The following CCDC144A variants were observed in gnomAD, a reference collection of about 807,000 sequenced individuals.
The protein encoded by CCDC144A is coiled-coil domain containing 144A.
A neutral mutation model predicts 143.8 loss-of-function variants in CCDC144A; 41 were observed. The ratio of observed to expected loss-of-function variants is 0.29; its 90% CI spans 0.22 to 0.37. The LOEUF (loss-of-function observed/expected upper bound fraction) is 0.37, where lower values mean the gene tolerates loss of function less well. CCDC144A is among the 10% of genes least tolerant of loss of function. CCDC144A has a pLI of 1.00. For synonymous variants in CCDC144A, 242 were observed against 517.9 expected (o/e 0.47, Z 7.23); for missense variants, 637 against 1,488.8 (o/e 0.43, Z 9.41).
At chr17:16,750,158 C>T (rs1466885945) in intron 12 of CCDC144A, among the ~76,000 whole-genome samples, 2 of 152,004 alleles carry the variant, frequency 1.3e-5, no homozygotes, top group African/African-American at 4.8e-5. Flanking sequence ...TTGCTTTGTA[C>T]TCTCGATTGT....
rs1388539411 is a variant in CCDC144A, at chr17:16,717,217, C to G, written c.1716-2981C>G. 9.9e-5 allele frequency among the ~76,000 whole-genome samples: 15 copies of G among 151,082 alleles called. No individual in the cohort carries two copies. The South Asian group carries it at 1.7e-3, about 17-fold the overall frequency. The stretch of plus-strand genomic sequence containing the variant: ...GCAACCTCCAGCTCCTGGGTTCAAG[C>G]GATTCTTCTGCCTCAGCCTCCCGAA... On this transcript the variant is annotated intron_variant, in intron 6 of 16. Transcript: ENST00000399273.
intron 2 of CCDC144A, among the ~76,000 whole-genome samples, chr17:16,702,518 T>TCCCTGGTCTCTTCC (rs1457213995): frequency 1.3e-5 from 2 of 152,170 alleles, no homozygotes; most frequent in African/African-American, 4.8e-5. Flanking sequence ...AAGATCCTTG[T>TCCCTGGTCTCTTCC]CCCTGGTCTC....
At chr17:16,768,211 C>G (rs1052029765) in intron 15 of CCDC144A, among the ~76,000 whole-genome samples, 1 of 152,230 alleles carries the variant, frequency 6.6e-6, no homozygotes, top group African/African-American at 2.4e-5. Flanking sequence ...TATCTTGTCT[C>G]CTGCTAAATC....
At chr17:16,695,048 A>G (rs1911317181) in intron 2 of CCDC144A, among the ~76,000 whole-genome samples, 2 of 152,256 alleles carry the variant, frequency 1.3e-5, no homozygotes, top group African/African-American at 4.8e-5. Context: ...TTAATTTAGT[A>G]CATGTTAATC....
Position 16,729,963 on chromosome 17 carries a change from C to CATATATATATAT in CCDC144A, c.2106-1819_2106-1808dup, listed in dbSNP as rs59756018. ...CATATTGTACCTCAGTAGGTAGTTT[C>CATATATATATAT]ATATATATATATATATATATATATA... On this transcript the variant is annotated intron_variant, in intron 9 of 16. Transcript: ENST00000399273. 2.5e-3 allele frequency among the ~76,000 whole-genome samples: 234 copies of CATATATATATAT among 94,022 alleles called. 1 individual carries two copies. The highest frequency in any genetic ancestry group is 6.5e-3 in the South Asian group (17 of 2,634). 61.7% of individuals were successfully genotyped at this position (94,022 alleles called of 152,430 possible).
chr17:16,757,744 G>C (rs1677670106), intron 12 of CCDC144A, among the ~76,000 whole-genome samples: 1 of 152,242 alleles, frequency 6.6e-6, no homozygotes, highest in Non-Finnish European at 1.5e-5. Flanking sequence ...AGGGCTGCTG[G>C]TGGTGGCAGT....
chr17:16,753,711 T>C (rs867849092), intron 12 of CCDC144A, among the ~76,000 whole-genome samples: 6 of 152,200 alleles, frequency 3.9e-5, no homozygotes, highest in Non-Finnish European at 8.8e-5. Flanking sequence ...TCAGGTCATG[T>C]GCACAGGGAG....
intron 15 of CCDC144A, among the ~76,000 whole-genome samples, chr17:16,767,609 T>C (rs1915661827): frequency 6.6e-6 from 1 of 152,238 alleles, no homozygotes; most frequent in African/African-American, 2.4e-5. Flanking sequence ...AAAAGCAAAA[T>C]GTTAAAAATA....
At position 16,775,123 on chromosome 17, in the gene CCDC144A, T is replaced by C. The variant is rs1410040091; in HGVS notation, c.*1490T>C. The stretch of plus-strand genomic sequence containing the variant: ...TATCCAGTTTATCATTGATGGGCTT[T>C]TAGGTTGATTCTTTGTCTTTGCTAT... On this transcript the variant is annotated 3_prime_UTR_variant, in exon 17 of 17. Transcript: ENST00000399273. 2.0e-5 allele frequency: 3 copies of C among 152,234 alleles called. No homozygotes were observed. Among genetic ancestry groups the C allele is most frequent in the African/African-American group, 7.2e-5 (3 of 41,444 alleles). The allele number at this position is 152,234 out of a possible 1,614,324, so 9.4% of individuals were successfully genotyped here.
intron 12 of CCDC144A, among the ~76,000 whole-genome samples, 155 bp from the exon 13 acceptor site, chr17:16,761,270 C>A (rs1915349232): frequency 6.6e-6 from 1 of 150,420 alleles, no homozygotes; most frequent in Admixed American, 6.7e-5. Context: ...GGAGGCAGAG[C>A]TTGTAGTGAG....
chr17:16,681,176 G>GCTTGTCTTT, the CCDC144A span, among the ~76,000 whole-genome samples: 1 of 151,868 alleles, frequency 6.6e-6, no homozygotes, highest in Non-Finnish European at 1.5e-5. Context: ...TAAAAGCTAG[G>GCTTGTCTTT]CTTGTCTTTT....
chr17:16,712,130 CAA>C (rs71355518), intron 6 of CCDC144A: 61 of 177,504 alleles, frequency 3.4e-4, no homozygotes, highest in South Asian at 9.9e-4. Context: ...AACTCCATTT[CAA>C]AAAAAAAAAG....
intron 3 of CCDC144A, chr17:16,707,175 T>G: frequency 3.3e-6 from 1 of 305,158 alleles, no homozygotes; most frequent in East Asian, 7.6e-5. Flanking sequence ...TTTTGTTTTG[T>G]TTGTGATGGC....
chr17:16,756,303 AT>A (rs1006612512), intron 12 of CCDC144A, among the ~76,000 whole-genome samples: 1 of 152,020 alleles, frequency 6.6e-6, no homozygotes, highest in African/African-American at 2.4e-5. Flanking sequence ...TTTTTATTTT[AT>A]TTTTTTTATT....
chr17:16,682,019 A>G, the CCDC144A span, among the ~76,000 whole-genome samples: 1 of 152,074 alleles, frequency 6.6e-6, no homozygotes, highest in Non-Finnish European at 1.5e-5. Context: ...TGAAATAAGA[A>G]TTTATAATAG....
At chr17:16,742,837 C>T (rs1914322345) in intron 12 of CCDC144A, among the ~76,000 whole-genome samples, 2 of 152,028 alleles carry the variant, frequency 1.3e-5, no homozygotes, top group African/African-American at 2.4e-5. Context: ...CTTTTCCATA[C>T]ATTTGTGGAC....
upstream of CCDC144A, among the ~76,000 whole-genome samples, chr17:16,686,747 AACACACACACAC>A (rs142329474): frequency 5.5e-4 from 77 of 140,466 alleles, no homozygotes; most frequent in Middle Eastern, 3.6e-3. Flanking sequence ...CACACACACA[AACACACACACAC>A]ACACACACAC....
At chr17:16,706,377 G>A (rs1912060995) in intron 3 of CCDC144A, 3 of 143,162 alleles carry the variant, frequency 2.1e-5, no homozygotes, top group South Asian at 4.6e-4. Flanking sequence ...AAAGTTGTAC[G>A]TAAGGCTTTC....
At chr17:16,772,225 G>GA (rs1391506612) in intron 16 of CCDC144A, among the ~76,000 whole-genome samples, 2 of 152,008 alleles carry the variant, frequency 1.3e-5, no homozygotes, top group South Asian at 2.1e-4. Flanking sequence ...TCCATAGCTT[G>GA]AAAAAAATAG....
Sources: allele counts gnomAD v4.1 joint callset (sites outside exome capture counted in the v4.1 genomes callset), GRCh38; gene constraint gnomAD v4.1.1; transcripts MANE v1.5; gene names NCBI Gene and HGNC (gene_info 2026-07-23, HGNC 2026-07-21).